The following SLC4A4 variants were observed in gnomAD, a reference collection of about 807,000 sequenced individuals.
SLC4A4 encodes the protein electrogenic sodium bicarbonate cotransporter 1.
A neutral mutation model predicts 111.5 loss-of-function variants in SLC4A4; 27 were observed. The observed-to-expected ratio is 0.24, with a 90% CI of 0.18 to 0.33. The LOEUF (loss-of-function observed/expected upper bound fraction) is 0.33. SLC4A4 is among the 10% of genes least tolerant of loss of function. The probability of loss-of-function intolerance (pLI) is 1.00; values close to 1 mark genes in which losing one functional copy is unlikely to be tolerated. For synonymous variants in SLC4A4, 443 were observed against 463.4 expected, an observed-to-expected ratio of 0.96 and a Z score of 0.57; for missense variants, 909 against 1,315.5, an observed-to-expected ratio of 0.69 and a Z score of 4.78.
At chr4:71,308,190 G>GA (rs1192474121) in intron 3 of SLC4A4, among the ~76,000 whole-genome samples, 2 of 151,892 alleles carry the variant, frequency 1.3e-5, no homozygotes, top group Non-Finnish European at 2.9e-5. Flanking sequence ...AGTGCTTTGA[G>GA]AAAAAAAATC....
rs547681507 is a variant in SLC4A4, at chr4:71,411,233, C to G, written c.807+13580C>G. ...TCCAGTTTCACTAACATGGCAGTCTCCCTCCTACCTTTGGGTCTTTGGACA... is the reference window on the plus strand; with the variant it reads ...TCCAGTTTCACTAACATGGCAGTCTGCCTCCTACCTTTGGGTCTTTGGACA... On this transcript the variant is annotated intron_variant, in intron 7 of 25. Transcript: ENST00000264485. 4.6e-5 allele frequency among the ~76,000 whole-genome samples: 7 copies of G among 152,286 alleles called. No individual in the cohort carries two copies. In the South Asian group the frequency reaches 1.5e-3, roughly 32 times the overall value.
At chr4:71,073,009 C>T (rs1054112320) in intron 1 of SLC4A4, among the ~76,000 whole-genome samples, 5 of 152,102 alleles carry the variant, frequency 3.3e-5, no homozygotes, top group African/African-American at 4.8e-5. Flanking sequence ...TTGAGGGATC[C>T]GCCTGCCTTG....
At chr4:71,193,351 G>A (rs772449603) in intron 1 of SLC4A4, among the ~76,000 whole-genome samples, 11 of 152,128 alleles carry the variant, frequency 7.2e-5, no homozygotes, top group Non-Finnish European at 1.3e-4. Context: ...AGTAGAGACA[G>A]GGTTTCACCG....
chr4:71,453,448 G>T, intron 11 of SLC4A4, 47 bp from the exon 12 acceptor site: 1 of 1,548,808 alleles, frequency 6.5e-7, no homozygotes, highest in South Asian at 1.1e-5. Context: ...TTAATTTGAT[G>T]GTAATTTACT....
At chr4:71,473,663 A>G (rs910766669) in intron 14 of SLC4A4, among the ~76,000 whole-genome samples, 46 of 151,980 alleles carry the variant, frequency 3.0e-4, no homozygotes, top group Admixed American at 8.5e-4. Flanking sequence ...TTTAAAATCT[A>G]TCATACCAAA....
chr4:71,505,003 G>A lies in SLC4A4; in HGVS notation c.2166+7311G>A, dbSNP rs373315138. ...TATTTGGTTTTCTGTTCCTGCATTA[G>A]TTTGCTAGGGATAAATGGCCCCTAG... On this transcript the variant is annotated intron_variant, in intron 16 of 25. Transcript: ENST00000264485. Among the ~76,000 whole-genome samples the A allele has an allele frequency of 3.4e-4, 52 of 152,176 alleles. 1 individual carries two copies. The South Asian group carries it at 8.5e-3, about 25-fold the overall frequency.
chr4:71,391,366 T>C (rs1358106779), intron 6 of SLC4A4, among the ~76,000 whole-genome samples: 1 of 152,102 alleles, frequency 6.6e-6, no homozygotes, highest in East Asian at 1.9e-4. Context: ...GAGGAGGACG[T>C]TTATGTGTCA....
intron 3 of SLC4A4, among the ~76,000 whole-genome samples, chr4:71,324,526 C>T (rs1727362602): frequency 6.6e-6 from 1 of 151,940 alleles, no homozygotes; most frequent in East Asian, 1.9e-4. Flanking sequence ...TGAGACTACC[C>T]CTTTGAGAAT....
intron 7 of SLC4A4, among the ~76,000 whole-genome samples, chr4:71,423,885 ACCCTAGAAGAACG>A: frequency 6.6e-6 from 1 of 152,176 alleles, no homozygotes. Context: ...AACCATAAAA[ACCCTAGAAGAACG>A]CCTAGGCATT....
chr4:71,337,019 G>T (rs1477070991), intron 3 of SLC4A4, among the ~76,000 whole-genome samples: 2 of 152,172 alleles, frequency 1.3e-5, no homozygotes, highest in African/African-American at 2.4e-5. Context: ...TACACACTTT[G>T]CTGTCTGTGT....
intron 6 of SLC4A4, among the ~76,000 whole-genome samples, chr4:71,366,901 A>G (rs1731387378): frequency 6.6e-6 from 1 of 152,218 alleles, no homozygotes; most frequent in Admixed American, 6.5e-5. Context: ...TGCCAATGTA[A>G]GTAATGGATG....
chr4:71,068,821 C>T (rs1469950474), intron 1 of SLC4A4, among the ~76,000 whole-genome samples: 1 of 152,188 alleles, frequency 6.6e-6, no homozygotes, highest in Non-Finnish European at 1.5e-5. Flanking sequence ...CCTGCCTTGG[C>T]TTCCCAAAGT....
intron 7 of SLC4A4, among the ~76,000 whole-genome samples, chr4:71,397,855 G>A (rs1342502220): frequency 6.6e-6 from 1 of 152,198 alleles, no homozygotes; most frequent in Non-Finnish European, 1.5e-5. Flanking sequence ...TACTTCAGCT[G>A]TTGCAGATGC....
chr4:71,424,551 T>C (rs1398332626), intron 7 of SLC4A4, among the ~76,000 whole-genome samples: 2 of 152,112 alleles, frequency 1.3e-5, no homozygotes, highest in African/African-American at 2.4e-5. Context: ...CGTATGTTTA[T>C]TGTGGCACTA....
intron 18 of SLC4A4, among the ~76,000 whole-genome samples, chr4:71,545,680 G>A (rs1056260815): frequency 2.0e-5 from 3 of 151,956 alleles, no homozygotes; most frequent in African/African-American, 7.2e-5. Flanking sequence ...TGTTTATTAC[G>A]TTAATGGTGA....
chr4:71,084,532 C>G (rs1269539804), intron 1 of SLC4A4, among the ~76,000 whole-genome samples: 1 of 151,906 alleles, frequency 6.6e-6, no homozygotes, highest in African/African-American at 2.4e-5. Context: ...TTAGGTATAT[C>G]TCCTAATGCT....
At chr4:71,393,935 G>C (rs1383744155) in intron 6 of SLC4A4, among the ~76,000 whole-genome samples, 1 of 152,102 alleles carries the variant, frequency 6.6e-6, no homozygotes, top group Non-Finnish European at 1.5e-5. Flanking sequence ...TTCAACAAAT[G>C]GTGCTGAGAT....
chr4:71,544,644 C>A (rs7665751), intron 18 of SLC4A4, among the ~76,000 whole-genome samples: 108,745 of 151,822 alleles, frequency 0.72, 39,214 homozygotes, highest in Admixed American at 0.76. Flanking sequence ...GTCTTACTAT[C>A]TTTTCCCTAT....
chr4:71,503,195 G>T (rs1731099603), intron 16 of SLC4A4, among the ~76,000 whole-genome samples: 2 of 148,560 alleles, frequency 1.3e-5, no homozygotes, highest in East Asian at 2.0e-4. Flanking sequence ...TCAGTCTGTT[G>T]TCCTTAATAG....
Sources: allele counts gnomAD v4.1 joint callset (sites outside exome capture counted in the v4.1 genomes callset), GRCh38; gene constraint gnomAD v4.1.1; transcripts MANE v1.5; gene names NCBI Gene and HGNC (gene_info 2026-07-23, HGNC 2026-07-21).